The following TENM3 variants were observed in gnomAD, a reference collection of about 807,000 sequenced individuals.
TENM3 encodes the protein teneurin-3.
Under a neutral mutation model 255.1 loss-of-function variants are expected in TENM3, and 63 were observed. That is an observed-to-expected ratio of 0.25 (90% CI 0.20 to 0.30). The LOEUF (loss-of-function observed/expected upper bound fraction) is 0.30. TENM3 is among the 10% of genes least tolerant of loss of function. TENM3 has a pLI of 1.00. For synonymous variants in TENM3, 1,306 were observed against 1,322.3 expected (o/e 0.99, Z 0.27); for missense variants, 2,929 against 3,461.1 (o/e 0.85, Z 3.86).
chr4:181,893,492 C>CCG, the TENM3 span, among the ~76,000 whole-genome samples: 3 of 1,730 alleles, frequency 1.7e-3, no homozygotes, highest in Admixed American at 0.017. Flanking sequence ...CCCCTGCCCA[C>CCG]CCCCCCCCCA....
chr4:181,709,472 C>T, the TENM3 span, among the ~76,000 whole-genome samples: 1 of 152,240 alleles, frequency 6.6e-6, no homozygotes, highest in Admixed American at 6.5e-5. Context: ...GAGATCACTA[C>T]TGGGAATGCC....
the TENM3 span, among the ~76,000 whole-genome samples, chr4:182,122,835 GCAT>G: frequency 1.0e-3 from 153 of 152,312 alleles, no homozygotes; most frequent in African/African-American, 3.6e-3. Context: ...GTCTGAGGTG[GCAT>G]CATCTTCCCA....
At chr4:182,128,009 ATTTC>A in the TENM3 span, among the ~76,000 whole-genome samples, 3 of 152,246 alleles carry the variant, frequency 2.0e-5, no homozygotes, top group East Asian at 1.9e-4. Context: ...GTGAAAAAAA[ATTTC>A]TTTATAGGAA....
intron 22 of TENM3, among the ~76,000 whole-genome samples, chr4:182,771,500 G>GC (rs958609894): frequency 3.3e-5 from 4 of 119,974 alleles, no homozygotes; most frequent in Non-Finnish European, 7.6e-5. Context: ...CTCTGAAATG[G>GC]GGGGGGGGGA....
chr4:181,906,027 A>G, the TENM3 span: 4 of 448,554 alleles, frequency 8.9e-6, no homozygotes, highest in Non-Finnish European at 1.7e-5. Flanking sequence ...TAACAGTGAC[A>G]AGCAAGTTCT....
intron 1 of TENM3, among the ~76,000 whole-genome samples, chr4:182,166,132 G>A (rs376426575): frequency 6.6e-5 from 10 of 152,276 alleles, no homozygotes; most frequent in East Asian, 3.9e-4. Context: ...AGGTTACTCC[G>A]TTGTCCCGTT....
At chr4:181,630,316 G>GT in the TENM3 span, among the ~76,000 whole-genome samples, 13,610 of 152,002 alleles carry the variant, frequency 0.09, 653 homozygotes, top group East Asian at 0.14. Context: ...TTTTTGAAGG[G>GT]TTTTTTTGTG....
chr4:182,646,089 A>G lies in TENM3; in HGVS notation c.989-7682A>G, dbSNP rs537694384. 4.6e-5 allele frequency among the ~76,000 whole-genome samples: 7 copies of G among 152,338 alleles called. No individual in the cohort carries two copies. The South Asian group carries it at 1.2e-3, about 27-fold the overall frequency. On this transcript the variant is annotated intron_variant, in intron 5 of 27. Transcript: ENST00000511685. ...CAGAAACAGTACTCAGCACATTTGC[A>G]TGATTACTGCATGGGAATGCAACAC...
chr4:181,740,724 A>T, the TENM3 span, among the ~76,000 whole-genome samples: 1 of 152,158 alleles, frequency 6.6e-6, no homozygotes, highest in African/African-American at 2.4e-5. Context: ...GTAGAAGGAA[A>T]CAAATTTAGT....
chr4:182,800,153 G>A lies in TENM3; in HGVS notation c.7902G>A (p.Ala2634=). 1.4e-6 allele frequency: 2 copies of A among 1,451,856 alleles called. No homozygotes were observed. Among genetic ancestry groups the A allele is most frequent in the Non-Finnish European group, 1.8e-6 (2 of 1,111,918 alleles). The allele number at this position is 1,451,856 out of a possible 1,614,324, so 89.9% of individuals were successfully genotyped here. ...ARQRALARAW[A]REQQRVRDGE... is the part of the protein sequence containing the mutation. ...AGCGCGCGCTCGCCCGGGCCTGGGC[G>A]CGCGAGCAGCAGCGCGTGCGCGACG... The change falls in exon 28 of 28, where the codon GCG becomes GCA. Residue 2634 remains alanine (A), a synonymous_variant. Transcript: ENST00000511685.
At chr4:182,452,590 G>A (rs927077036) in intron 3 of TENM3, among the ~76,000 whole-genome samples, 1 of 152,136 alleles carries the variant, frequency 6.6e-6, no homozygotes, top group Non-Finnish European at 1.5e-5. Context: ...TTTTTTGCTG[G>A]ATCACTTTGA....
At chr4:182,118,683 T>C in the TENM3 span, among the ~76,000 whole-genome samples, 2 of 152,206 alleles carry the variant, frequency 1.3e-5, no homozygotes, top group Non-Finnish European at 2.9e-5. Context: ...GTGTTAGATT[T>C]TATCAGATGT....
chr4:181,926,953 G>A, the TENM3 span, among the ~76,000 whole-genome samples: 3 of 151,974 alleles, frequency 2.0e-5, no homozygotes, highest in South Asian at 4.1e-4. Context: ...GTGAGGGACC[G>A]TGCTGTGAGG....
At chr4:181,465,462 A>T in the TENM3 span, among the ~76,000 whole-genome samples, 1 of 152,206 alleles carries the variant, frequency 6.6e-6, no homozygotes, top group Non-Finnish European at 1.5e-5. Context: ...TGTGTTGATT[A>T]TTCTTGAACT....
intron 1 of TENM3, among the ~76,000 whole-genome samples, chr4:182,173,936 G>A (rs1752272981): frequency 6.6e-6 from 1 of 152,086 alleles, no homozygotes; most frequent in Non-Finnish European, 1.5e-5. Flanking sequence ...TATAAATCTT[G>A]ACTTTTGGAT....
the TENM3 span, among the ~76,000 whole-genome samples, chr4:182,059,578 A>T: frequency 6.6e-6 from 1 of 152,078 alleles, no homozygotes; most frequent in African/African-American, 2.4e-5. Flanking sequence ...TCTTGAAGAC[A>T]ATATTCCCAA....
At chr4:182,569,945 G>A in intron 3 of TENM3, among the ~76,000 whole-genome samples, 2 of 152,266 alleles carry the variant, frequency 1.3e-5, no homozygotes, top group South Asian at 4.1e-4. Flanking sequence ...GTGCAGGTAG[G>A]ATATATTAGG....
At chr4:181,514,567 T>C in the TENM3 span, among the ~76,000 whole-genome samples, 2 of 152,228 alleles carry the variant, frequency 1.3e-5, no homozygotes, top group Non-Finnish European at 2.9e-5. Context: ...TGCAAATATT[T>C]GTAAGAGTAC....
chr4:181,531,086 A>G, the TENM3 span, among the ~76,000 whole-genome samples: 1 of 152,154 alleles, frequency 6.6e-6, no homozygotes, highest in African/African-American at 2.4e-5. Flanking sequence ...TACATTCCAA[A>G]TAACCATCAA....
Sources: gnomAD v4.1 joint callset for allele counts (sites outside exome capture counted in the v4.1 genomes callset) on GRCh38, gnomAD v4.1.1 for gene constraint, MANE v1.5 for transcripts, NCBI Gene and HGNC (gene_info 2026-07-23, HGNC 2026-07-21) for gene names.